The following SPRYD4 variants were observed in gnomAD, a reference collection of about 807,000 sequenced individuals.
SPRYD4 encodes the protein SPRY domain containing 4.
A neutral mutation model predicts 16.6 loss-of-function variants in SPRYD4; 12 were observed. The ratio of observed to expected loss-of-function variants is 0.72; its 90% confidence interval spans 0.46 to 1.17. The LOEUF (loss-of-function observed/expected upper bound fraction) is 1.17, where lower values mean the gene tolerates loss of function less well. SPRYD4 is among the 50% of genes most tolerant of loss of function. SPRYD4 has a pLI of 0.00. For missense variants in SPRYD4, 260 were observed against 260.2 expected, an observed-to-expected ratio of 1.00 and a Z score of 0.00; for synonymous variants, 98 against 105.4, an observed-to-expected ratio of 0.93 and a Z score of 0.43.
rs973180769 is a variant in SPRYD4, at chr12:56,469,265, G to A, written c.312G>A (p.Val104=). The A allele has an allele frequency of 6.2e-7, 1 of 1,613,964 alleles. No individual in the cohort carries two copies. The highest frequency in any genetic ancestry group is 1.3e-5 in the African/African-American group (1 of 74,908). Residue 104 remains valine (V), a synonymous_variant, in exon 2 of 2, where the codon GTG becomes GTA. Transcript: ENST00000338146. ...VKRSQQFRIG[V]ADVDMSRDSC... ...GCTCCCAGCAGTTCCGGATAGGAGT[G>A]GCAGATGTGGACATGTCCCGGGATA...
At position 56,475,599 on chromosome 12, in the gene SPRYD4, G is replaced by C. The variant is rs759381215; in HGVS notation, c.*6022G>C. 1 of 1,611,710 alleles carries C rather than the reference G, an allele frequency of 6.2e-7. No homozygotes were observed. The highest frequency in any genetic ancestry group is 1.3e-5 in the African/African-American group (1 of 74,862). On this transcript the variant is annotated 3_prime_UTR_variant, in exon 2 of 2. Coordinates refer to ENST00000338146, the MANE Select transcript of SPRYD4 (RefSeq NM_207344.4). ...ACACACATACACCACAATGCTTTCA[G>C]TCAGTCCTCTGAGTAGGGACTTACG...
Position 56,472,308 on chromosome 12 carries a change from A to G in SPRYD4, c.*2731A>G, listed in dbSNP as rs1345622016. ...TTTCAGAGAAAGTGAAACAGCCTAT[A>G]GCCAGATTTGTTGGCTCTGAATAAT... On this transcript the variant is annotated 3_prime_UTR_variant, in exon 2 of 2. Transcript: ENST00000338146. 6.5e-6 allele frequency: 6 copies of G among 924,190 alleles called. No homozygotes were observed. The highest frequency in any genetic ancestry group is 1.0e-5 in the Non-Finnish European group (6 of 575,546). The allele number at this position is 924,190 out of a possible 1,614,324, so 57.2% of individuals were successfully genotyped here. A position where few individuals can be genotyped will look rare whatever the true frequency, so the allele number is the denominator to read the frequency against.
In SPRYD4 at chr12:56,471,448, C is replaced by G; in HGVS notation, c.*1871C>G. 4 of 1,579,176 alleles carry G rather than the reference C, an allele frequency of 2.5e-6. No homozygotes were observed. Among genetic ancestry groups the G allele is most frequent in the Non-Finnish European group, 3.4e-6 (4 of 1,163,122 alleles). ...TTATGGATTACATGTGTGGCCAGCT[C>G]ATGCTTTTTCTTGAGCAGGGGCTGT... On this transcript the variant is annotated 3_prime_UTR_variant, in exon 2 of 2. Transcript: ENST00000338146.
At position 56,473,191 on chromosome 12, in the gene SPRYD4, T is replaced by C; in HGVS notation, c.*3614T>C. The C allele has an allele frequency of 6.3e-7, 1 of 1,596,330 alleles. No homozygotes were observed. Among genetic ancestry groups the C allele is most frequent in the Non-Finnish European group, 8.6e-7 (1 of 1,164,230 alleles). On this transcript the variant is annotated 3_prime_UTR_variant, in exon 2 of 2. Transcript: ENST00000338146. ...GGCGTGAGCCACCGCACCTGGCCTT[T>C]GAAATATTCTTACAAGCCACCTGGA...
In SPRYD4 at chr12:56,469,402, A is replaced by G; in HGVS notation, c.449A>G (p.Lys150Arg). 1 of 1,613,972 alleles carries G rather than the reference A, an allele frequency of 6.2e-7. No homozygotes were observed. Among genetic ancestry groups the G allele is most frequent in the Non-Finnish European group, 8.5e-7 (1 of 1,179,968 alleles). ...GTTGAGGGTATTGGGCAGCCAGAGAAGGTGGGGCTGTTGCTGGAGTATGAG... is the reference window on the plus strand; with the variant it reads ...GTTGAGGGTATTGGGCAGCCAGAGAGGGTGGGGCTGTTGCTGGAGTATGAG... ...APVEGIGQPE[K>R]VGLLLEYEAQ... The change falls in exon 2 of 2, where the codon AAG (lysine) becomes AGG (arginine). Residue 150 changes from lysine to arginine, a missense_variant. Transcript: ENST00000338146.
Position 56,469,224 on chromosome 12 carries a change from G to A in SPRYD4, c.271G>A (p.Glu91Lys). The A allele has an allele frequency of 1.2e-6, 2 of 1,614,118 alleles. No individual in the cohort carries two copies. The highest frequency in any genetic ancestry group is 1.7e-6 in the Non-Finnish European group (2 of 1,179,990). ...TAVTSGRHYW[E>K]VTVKRSQQFR... is the part of the protein sequence containing the mutation. The stretch of plus-strand genomic sequence containing the variant: ...GGTCACCAGTGGCAGACACTACTGG[G>A]AAGTGACAGTGAAGCGCTCCCAGCA... Residue 91 changes from glutamate (E) to lysine (K), a missense_variant, in exon 2 of 2, where the codon GAA becomes AAA. By Grantham distance (56) the Glu-to-Lys change is moderately conservative. Transcript: ENST00000338146.
Position 56,468,658 on chromosome 12 carries a change from T to G in SPRYD4, c.67T>G (p.Ser23Ala). ...GGGAGCCAAACGATTGGGAGTTGCC[T>G]CCACAGAGGCCCAGAGAGGTAGGAT... Reference protein sequence around the residue: ...RWGAKRLGVASTEAQRGVSFK... With the variant: ...RWGAKRLGVAATEAQRGVSFK... The change falls in exon 1 of 2, where the codon TCC becomes GCC. Residue 23 changes from serine (S) to alanine (A), a missense_variant. Transcript: ENST00000338146. 1.2e-6 allele frequency: 2 copies of G among 1,614,124 alleles called. No homozygotes were observed. Among genetic ancestry groups the G allele is most frequent in the Non-Finnish European group, 1.7e-6 (2 of 1,179,946 alleles).
In SPRYD4 at chr12:56,477,897, A is replaced by G. The variant is rs1438459861; in HGVS notation, c.*8320A>G. On this transcript the variant is annotated 3_prime_UTR_variant, in exon 2 of 2. Transcript: ENST00000338146. ...GGGGTGGGGATAAGGAGAAGGGGAC[A>G]GCTGTAAGTACGGTCTGAGCCTTGG... 1 of 1,596,058 alleles carries G rather than the reference A, an allele frequency of 6.3e-7. No homozygotes were observed. Among genetic ancestry groups the G allele is most frequent in the Non-Finnish European group, 8.5e-7 (1 of 1,169,960 alleles).
chr12:56,474,847 T>G lies in SPRYD4; in HGVS notation c.*5270T>G. The G allele has an allele frequency of 6.2e-7, 1 of 1,614,186 alleles. No homozygotes were observed. The highest frequency in any genetic ancestry group is 8.5e-7 in the Non-Finnish European group (1 of 1,180,036). ...CGGCCCTGAGCAGTGTTTTCTTACC[T>G]GGAAGTAGAGATCAAGGGCAGCCAT... On this transcript the variant is annotated 3_prime_UTR_variant, in exon 2 of 2. Coordinates refer to ENST00000338146, the MANE Select transcript of SPRYD4 (RefSeq NM_207344.4).
chr12:56,478,289 G>A lies in SPRYD4; in HGVS notation c.*8712G>A, dbSNP rs1870002424. 1 of 1,607,718 alleles carries A rather than the reference G, an allele frequency of 6.2e-7. No individual in the cohort carries two copies. Among genetic ancestry groups the A allele is most frequent in the Non-Finnish European group, 8.5e-7 (1 of 1,174,138 alleles). On this transcript the variant is annotated 3_prime_UTR_variant, in exon 2 of 2. Transcript: ENST00000338146. ...TGGACATGAGTGGGTAGAGAAAAGGGAGATGGATGTGGAGAAGAGGAACAG... is the reference window on the plus strand; with the variant it reads ...TGGACATGAGTGGGTAGAGAAAAGGAAGATGGATGTGGAGAAGAGGAACAG...
Position 56,469,734 on chromosome 12 carries a change from T to TTCACAAGGTAGGG in SPRYD4, c.*157_*158insTCACAAGGTAGGG. On this transcript the variant is annotated 3_prime_UTR_variant, in exon 2 of 2. Transcript: ENST00000338146. Reference sequence around the variant, plus strand: ...TGATCATCTTCCTCATCCCCTACCTTGTGAAAGCTAGGCATACAGCCAAAC... The same window carrying TTCACAAGGTAGGG: ...TGATCATCTTCCTCATCCCCTACCTTTCACAAGGTAGGGGTGAAAGCTAGGCATACAGCCAAAC... 3.9e-6 allele frequency: 3 copies of TTCACAAGGTAGGG among 761,860 alleles called. No homozygotes were observed. The highest frequency in any genetic ancestry group is 6.2e-6 in the Non-Finnish European group (3 of 486,784). 47.2% of individuals were successfully genotyped at this position (761,860 alleles called of 1,614,324 possible).
Position 56,475,995 on chromosome 12 carries a change from G to T in SPRYD4, c.*6418G>T, listed in dbSNP as rs1869776897. On this transcript the variant is annotated 3_prime_UTR_variant, in exon 2 of 2. Transcript: ENST00000338146. ...CAGTCCATCTGCAGAGAAAGAGAGA[G>T]ATGTCAGCATTCTAAGTGTAGGAGG... 1.9e-6 allele frequency: 3 copies of T among 1,611,634 alleles called. No individual in the cohort carries two copies. The highest frequency in any genetic ancestry group is 1.1e-5 in the South Asian group (1 of 91,040).
chr12:56,469,360 C>A lies in SPRYD4; in HGVS notation c.407C>A (p.Ala136Asp). The A allele has an allele frequency of 6.2e-7, 1 of 1,614,130 alleles. No individual in the cohort carries two copies. The highest frequency in any genetic ancestry group is 8.5e-7 in the Non-Finnish European group (1 of 1,180,030). The change falls in exon 2 of 2, where the codon GCC becomes GAC. Residue 136 changes from alanine (A) to aspartate (D), a missense_variant. Physicochemically the swap from Ala to Asp is moderately radical, Grantham distance 126. Transcript: ENST00000338146. ...CAGCGCAAGTGGTACACCATGTTGGCCAACGAGAAAGCCCCAGTTGAGGGT... is the reference window on the plus strand; with the variant it reads ...CAGCGCAAGTGGTACACCATGTTGGACAACGAGAAAGCCCCAGTTGAGGGT... Reference protein sequence around the residue: ...YAQRKWYTMLANEKAPVEGIG... With the variant: ...YAQRKWYTMLDNEKAPVEGIG...
chr12:56,468,695 A>G lies in SPRYD4; in HGVS notation c.85+19A>G. 2 of 1,606,322 alleles carry G rather than the reference A, an allele frequency of 1.2e-6. No homozygotes were observed. Among genetic ancestry groups the G allele is most frequent in the Non-Finnish European group, 1.7e-6 (2 of 1,173,652 alleles). On this transcript the variant is annotated intron_variant, in intron 1 of 1. Coordinates refer to ENST00000338146, the MANE Select transcript of SPRYD4 (RefSeq NM_207344.4). ...CAGAGAGGTAGGATTATCTCTTTTT[A>G]CTCTTTTACCTCCAGAATGGCTGCC...
At position 56,472,960 on chromosome 12, in the gene SPRYD4, GCTCACTGCAACCT is replaced by G. The variant is rs1339622648; in HGVS notation, c.*3386_*3398del. On this transcript the variant is annotated 3_prime_UTR_variant, in exon 2 of 2. Transcript: ENST00000338146. ...TGAAGTGTAGTGGCGCGCGGTCTTGGCTCACTGCAACCTCTGCCTCCCGGTTTCAAGCGATTCT... is the reference window on the plus strand; with the variant it reads ...TGAAGTGTAGTGGCGCGCGGTCTTGGCTGCCTCCCGGTTTCAAGCGATTCT... The G allele has an allele frequency of 6.8e-6, 4 of 584,794 alleles. No individual in the cohort carries two copies. The highest frequency in any genetic ancestry group is 5.9e-6 in the Non-Finnish European group (2 of 336,204). The allele number at this position is 584,794 out of a possible 1,614,324, so 36.2% of individuals were successfully genotyped here. A position where few individuals can be genotyped will look rare whatever the true frequency, so the allele number is the denominator to read the frequency against.
chr12:56,471,929 G>T lies in SPRYD4; in HGVS notation c.*2352G>T. ...CACTGAAGTCTTTACCAAGAGGGGA[G>T]GGGAAAAGGCCTCTTCCCATTTTGT... On this transcript the variant is annotated 3_prime_UTR_variant, in exon 2 of 2. Transcript: ENST00000338146. 7.2e-7 allele frequency: 1 copy of T among 1,390,548 alleles called. No individual in the cohort carries two copies. The highest frequency in any genetic ancestry group is 1.0e-6 in the Non-Finnish European group (1 of 979,956). 86.1% of individuals were successfully genotyped at this position (1,390,548 alleles called of 1,614,324 possible). A position where few individuals can be genotyped will look rare whatever the true frequency, so the allele number is the denominator to read the frequency against.
At position 56,475,983 on chromosome 12, in the gene SPRYD4, G is replaced by A; in HGVS notation, c.*6406G>A. ...TCTGCTTTGTTACAGTCCATCTGCAGAGAAAGAGAGAGATGTCAGCATTCT... is the reference window on the plus strand; with the variant it reads ...TCTGCTTTGTTACAGTCCATCTGCAAAGAAAGAGAGAGATGTCAGCATTCT... On this transcript the variant is annotated 3_prime_UTR_variant, in exon 2 of 2. Transcript: ENST00000338146. 1 of 1,612,620 alleles carries A rather than the reference G, an allele frequency of 6.2e-7. No individual in the cohort carries two copies. Among genetic ancestry groups the A allele is most frequent in the South Asian group, 1.1e-5 (1 of 91,062 alleles).
chr12:56,473,297 G>A lies in SPRYD4; in HGVS notation c.*3720G>A. 6.2e-6 allele frequency: 10 copies of A among 1,614,080 alleles called. No homozygotes were observed. Among genetic ancestry groups the A allele is most frequent in the Non-Finnish European group, 8.5e-6 (10 of 1,180,028 alleles). ...AGTGCCTCAGGTTGTCATAGTTGTG[G>A]AAATTGAAGAGAGACACCAACTTCT... On this transcript the variant is annotated 3_prime_UTR_variant, in exon 2 of 2. Transcript: ENST00000338146.
chr12:56,472,151 G>A lies in SPRYD4; in HGVS notation c.*2574G>A, dbSNP rs756058907. 3.7e-6 allele frequency: 6 copies of A among 1,614,034 alleles called. No individual in the cohort carries two copies. The highest frequency in any genetic ancestry group is 2.2e-5 in the East Asian group (1 of 44,906). On this transcript the variant is annotated 3_prime_UTR_variant, in exon 2 of 2. Transcript: ENST00000338146. ...TGCAGCAACATGCAGAGCTGTGCGC[G>A]AGTCATAGTCTTTCTGTTCCATATC... is the stretch of plus-strand genomic sequence containing the variant.
Sources: allele counts gnomAD v4.1 joint callset, GRCh38; gene constraint gnomAD v4.1.1; transcripts MANE v1.5; gene names NCBI Gene and HGNC (gene_info 2026-07-23, HGNC 2026-07-21).